SDK1: variants seen among roughly 807,000 people sequenced by gnomAD.
SDK1 encodes sidekick cell adhesion molecule 1.
In SDK1, 157 loss-of-function variants were observed where a neutral mutation model predicts 245.5. The ratio of observed to expected loss-of-function variants is 0.64; its 90% CI spans 0.56 to 0.73. The LOEUF is 0.73. Among genes scored for constraint, SDK1 ranks in the 30% least tolerant of loss-of-function variants. The pLI is 0.00. For synonymous variants in SDK1, 1,647 were observed against 1,278.5 expected, an observed-to-expected ratio of 1.29 and a Z score of -6.15; for missense variants, 3,583 against 3,002.3, an observed-to-expected ratio of 1.19 and a Z score of -4.52.
At chr7:3,762,845 A>C (rs546304367) in intron 4 of SDK1, among the ~76,000 whole-genome samples, 1 of 152,354 alleles carries the variant, frequency 6.6e-6, no homozygotes, top group African/African-American at 2.4e-5. Flanking sequence ...TGAATATGTT[A>C]TAAAATCACA....
At chr7:3,941,914 T>TC (rs1008653635) in intron 5 of SDK1, among the ~76,000 whole-genome samples, 1 of 150,638 alleles carries the variant, frequency 6.6e-6, no homozygotes, top group East Asian at 1.9e-4. Flanking sequence ...ATTCTTTTTT[T>TC]TTTTTTTTTT....
At chr7:3,443,213 T>C (rs1376376259) in intron 1 of SDK1, among the ~76,000 whole-genome samples, 1 of 152,140 alleles carries the variant, frequency 6.6e-6, no homozygotes, top group Non-Finnish European at 1.5e-5. Context: ...AACCTTGTGG[T>C]AGATAGCATT....
At chr7:4,165,517 ACTC>A (rs1392108132) in intron 32 of SDK1, among the ~76,000 whole-genome samples, 1 of 151,660 alleles carries the variant, frequency 6.6e-6, no homozygotes, top group African/African-American at 2.4e-5. Flanking sequence ...AAGGAGTAGA[ACTC>A]CTTCTGTCTT....
chr7:4,237,814 C>T, intron 42 of SDK1, 30 bp downstream of exon 42: 2 of 1,612,342 alleles, frequency 1.2e-6, no homozygotes, highest in Non-Finnish European at 1.7e-6. Context: ...CTCGCGTGTC[C>T]CACGATGCCA....
At chr7:3,977,920 C>T (rs1345148359) in intron 13 of SDK1, among the ~76,000 whole-genome samples, 2 of 152,190 alleles carry the variant, frequency 1.3e-5, no homozygotes, top group African/African-American at 4.8e-5. Flanking sequence ...GGCGGGCCTC[C>T]TTCTGTTCCC....
chr7:4,110,753 A>T lies in SDK1; in HGVS notation c.3415A>T (p.Thr1139Ser), dbSNP rs753086531. 5.6e-5 allele frequency: 91 copies of T among 1,611,876 alleles called. No homozygotes were observed. The highest frequency in any genetic ancestry group is 7.2e-5 in the Non-Finnish European group (85 of 1,178,094). The change falls in exon 23 of 45, where the codon ACA (threonine) becomes TCA (serine). Residue 1139 changes from threonine (T) to serine (S), a missense_variant. Thr to Ser is a moderately conservative substitution (Grantham distance 58, BLOSUM62 1). Transcript: ENST00000404826. ...CCAGATGCTGGAGATCCCAAACCTCACACCCTACACTCACTACAGGTGAGA... is the reference window on the plus strand; with the variant it reads ...CCAGATGCTGGAGATCCCAAACCTCTCACCCTACACTCACTACAGGTGAGA... ...DAQMLEIPNL[T>S]PYTHYRFRMK...
chr7:3,884,088 T>G (rs754226066), intron 5 of SDK1, among the ~76,000 whole-genome samples: 9 of 101,256 alleles, frequency 8.9e-5, no homozygotes, highest in Non-Finnish European at 1.5e-4. Flanking sequence ...TTTTTGTTTT[T>G]TTTTTTTTTT....
chr7:3,392,239 A>G (rs1318711839), intron 1 of SDK1, among the ~76,000 whole-genome samples: 1 of 152,104 alleles, frequency 6.6e-6, no homozygotes, highest in Non-Finnish European at 1.5e-5. Flanking sequence ...AGCAAATTCC[A>G]CTTGTGACCA....
Position 4,139,167 on chromosome 7 carries a change from G to A in SDK1, c.4229-6555G>A, listed in dbSNP as rs28436148. On this transcript the variant is annotated intron_variant, in intron 28 of 44. Transcript: ENST00000404826. ...ACACACGTTCATCAGCTTCTTCTCC[G>A]TGTCACTTCTCTACCCACCCCCCAT... is the stretch of plus-strand genomic sequence containing the variant. Among the ~76,000 whole-genome samples, 842 of 138,212 alleles carry A rather than the reference G, an allele frequency of 6.1e-3. 9 individuals carry two copies. The highest frequency in any genetic ancestry group is 0.018 in the African/African-American group (685 of 37,258). 90.7% of individuals were successfully genotyped at this position (138,212 alleles called of 152,430 possible).
chr7:3,536,832 A>G (rs1379184335), intron 1 of SDK1, among the ~76,000 whole-genome samples: 1 of 152,186 alleles, frequency 6.6e-6, no homozygotes, highest in East Asian at 1.9e-4. Context: ...AACAATTGAT[A>G]TTTTATTGGG....
chr7:4,049,218 A>G, intron 17 of SDK1, 130 bp from the exon 18 acceptor site: 1 of 643,404 alleles, frequency 1.6e-6, no homozygotes. Flanking sequence ...AACATTCATC[A>G]CACTTCCTCG....
At chr7:3,330,024 C>T (rs1411329529) in intron 1 of SDK1, among the ~76,000 whole-genome samples, 1 of 152,166 alleles carries the variant, frequency 6.6e-6, no homozygotes, top group Non-Finnish European at 1.5e-5. Context: ...AAGTAGATGT[C>T]TATACTTCAT....
intron 12 of SDK1, among the ~76,000 whole-genome samples, chr7:3,971,886 AG>A (rs931692269): frequency 2.6e-5 from 4 of 152,104 alleles, no homozygotes. Flanking sequence ...AGAAAAATCC[AG>A]GGGGATCGAC....
At chr7:3,884,799 T>G (rs1781298273) in intron 5 of SDK1, among the ~76,000 whole-genome samples, 1 of 152,168 alleles carries the variant, frequency 6.6e-6, no homozygotes, top group Non-Finnish European at 1.5e-5. Context: ...TTCCAACTTG[T>G]GAAGGACAAG....
At chr7:3,961,829 G>A (rs1781704345) in intron 8 of SDK1, among the ~76,000 whole-genome samples, 1 of 152,058 alleles carries the variant, frequency 6.6e-6, no homozygotes, top group Admixed American at 6.6e-5. Flanking sequence ...ATATGTAAAT[G>A]TACACACATG....
Position 4,175,839 on chromosome 7 carries a change from G to A in SDK1, c.4996+5G>A. 6.2e-7 allele frequency: 1 copy of A among 1,612,650 alleles called. No individual in the cohort carries two copies. Among genetic ancestry groups the A allele is most frequent in the Admixed American group, 1.7e-5 (1 of 60,032 alleles). On this transcript the variant is annotated splice_donor_5th_base_variant and intron_variant, in intron 34 of 44. Coordinates refer to ENST00000404826, the MANE Select transcript of SDK1 (RefSeq NM_152744.4). Reference sequence around the variant, plus strand: ...CGACGATGTGTGAACTAACACGTAAGTGCGCTCTCAGCGGGAGGCCCATGC... The same window carrying A: ...CGACGATGTGTGAACTAACACGTAAATGCGCTCTCAGCGGGAGGCCCATGC...
intron 2 of SDK1, among the ~76,000 whole-genome samples, chr7:3,629,801 G>A (rs1782235403): frequency 1.3e-5 from 2 of 152,206 alleles, no homozygotes. Flanking sequence ...ATATGCAGAT[G>A]CAGGAAAGCA....
chr7:4,198,899 C>G (rs1159202539), intron 35 of SDK1, among the ~76,000 whole-genome samples: 1 of 151,598 alleles, frequency 6.6e-6, no homozygotes, highest in Non-Finnish European at 1.5e-5. Context: ...CTGCAACCTC[C>G]GCCTCCCTGG....
intron 17 of SDK1, among the ~76,000 whole-genome samples, chr7:4,039,009 A>C (rs1162503080): frequency 6.6e-6 from 1 of 152,144 alleles, no homozygotes; most frequent in Non-Finnish European, 1.5e-5. Context: ...TTACCACTCT[A>C]CTTGGTACAC....
Sources: allele counts gnomAD v4.1 joint callset (sites outside exome capture counted in the v4.1 genomes callset), GRCh38; gene constraint gnomAD v4.1.1; transcripts MANE v1.5; gene names NCBI Gene and HGNC (gene_info 2026-07-23, HGNC 2026-07-21).